INPP4B: variants seen among roughly 807,000 people sequenced by gnomAD.
INPP4B encodes inositol polyphosphate-4-phosphatase type II B.
In INPP4B, 55 loss-of-function variants were observed where a neutral mutation model predicts 122.5. The ratio of observed to expected loss-of-function variants is 0.45; its 90% CI spans 0.36 to 0.56. The LOEUF (loss-of-function observed/expected upper bound fraction) is 0.56, where lower values mean the gene tolerates loss of function less well. INPP4B is among the 20% of genes least tolerant of loss of function. The probability of loss-of-function intolerance (pLI) is 0.00; values close to 1 mark genes in which losing one functional copy is unlikely to be tolerated. For synonymous variants in INPP4B, 403 were observed against 388.7 expected (o/e 1.04, Z -0.43); for missense variants, 1,000 against 1,097.7 (o/e 0.91, Z 1.26).
At chr4:142,087,985 T>A (rs1026306005) in intron 23 of INPP4B, among the ~76,000 whole-genome samples, 2 of 152,182 alleles carry the variant, frequency 1.3e-5, no homozygotes, top group Non-Finnish European at 2.9e-5. Flanking sequence ...ATATAAAATA[T>A]ATGCATGATT....
intron 2 of INPP4B, among the ~76,000 whole-genome samples, chr4:142,491,069 T>C (rs1221336089): frequency 1.3e-5 from 2 of 152,184 alleles, no homozygotes; most frequent in Non-Finnish European, 2.9e-5. Flanking sequence ...TCAAACACTT[T>C]AGATATATAC....
chr4:142,658,404 AC>A lies in INPP4B; in HGVS notation c.-191+67434del, dbSNP rs554274364. 1.3e-3 allele frequency among the ~76,000 whole-genome samples: 205 copies of A among 152,288 alleles called. 1 individual carries two copies. The highest frequency in any genetic ancestry group is 4.8e-3 in the African/African-American group (199 of 41,570). On this transcript the variant is annotated intron_variant, in intron 2 of 25. Transcript: ENST00000262992. The stretch of plus-strand genomic sequence containing the variant: ...GGACTAAACTCAGAAAACTAAAGCA[AC>A]CTTTTTGACTTTTGGTTTAAATATT...
intron 2 of INPP4B, among the ~76,000 whole-genome samples, chr4:142,541,925 C>T (rs1322269456): frequency 2.0e-5 from 3 of 152,138 alleles, no homozygotes; most frequent in African/African-American, 7.2e-5. Context: ...CCACTACCCA[C>T]CACCCACTAG....
intron 3 of INPP4B, among the ~76,000 whole-genome samples, chr4:142,458,056 A>C (rs1815867807): frequency 6.6e-6 from 1 of 152,188 alleles, no homozygotes; most frequent in Non-Finnish European, 1.5e-5. Context: ...AATCCAAAAC[A>C]ATCCTAAAGA....
chr4:142,755,279 C>A (rs1770347103), intron 1 of INPP4B, among the ~76,000 whole-genome samples: 1 of 151,978 alleles, frequency 6.6e-6, no homozygotes. Flanking sequence ...ATGTCTATAT[C>A]ATTATCTGTT....
chr4:142,042,202 C>A (rs890346527), intron 25 of INPP4B, among the ~76,000 whole-genome samples: 1 of 152,106 alleles, frequency 6.6e-6, no homozygotes, highest in African/African-American at 2.4e-5. Context: ...CTAATATATC[C>A]ATTTAGACAC....
At chr4:142,076,989 T>A (rs1309053563) in intron 25 of INPP4B, among the ~76,000 whole-genome samples, 1 of 152,006 alleles carries the variant, frequency 6.6e-6, no homozygotes, top group African/African-American at 2.4e-5. Context: ...AGGGAGGAAG[T>A]CATGCAAATA....
intron 2 of INPP4B, among the ~76,000 whole-genome samples, chr4:142,692,343 T>G (rs989668047): frequency 2.6e-5 from 4 of 152,216 alleles, no homozygotes; most frequent in African/African-American, 9.6e-5. Context: ...CAATGTTTAA[T>G]AATTTTCCAC....
rs368022770 is a variant in INPP4B at position 142,258,967 on chromosome 4, G to A, written c.688+1525C>T. ...TTGGAACCAACCCAAATGTCCAACA[G>A]TGATAGACTGGATTAAGAAAATGTG... On this transcript the variant is annotated intron_variant, in intron 11 of 25. Transcript: ENST00000262992. Among the ~76,000 whole-genome samples, 701 of 152,052 alleles carry A rather than the reference G, an allele frequency of 4.6e-3. 5 individuals carry two copies. Among genetic ancestry groups the A allele is most frequent in the African/African-American group, 0.016 (661 of 41,470 alleles).
Position 142,663,584 on chromosome 4 carries a change from T to C in INPP4B, c.-191+62255A>G, listed in dbSNP as rs192227557. On this transcript the variant is annotated intron_variant, in intron 2 of 25. Coordinates refer to ENST00000262992, the MANE Select transcript of INPP4B (RefSeq NM_001101669.3). ...AAGAATGGACAGGTTTTCTTCAATA[T>C]AAGGAGCAGGTCTTTTTAAAAGGTC... Among the ~76,000 whole-genome samples the C allele has an allele frequency of 2.0e-3, 310 of 152,228 alleles. 1 individual carries two copies. Among genetic ancestry groups the C allele is most frequent in the African/African-American group, 7.0e-3 (291 of 41,582 alleles).
chr4:142,419,430 T>C (rs1005164892), intron 5 of INPP4B, among the ~76,000 whole-genome samples: 2 of 152,126 alleles, frequency 1.3e-5, no homozygotes, highest in Non-Finnish European at 2.9e-5. Flanking sequence ...GGAATACCCG[T>C]ATGCTCAAAC....
At chr4:142,635,349 C>T (rs1580572361) in intron 2 of INPP4B, among the ~76,000 whole-genome samples, 1 of 152,136 alleles carries the variant, frequency 6.6e-6, no homozygotes, top group Non-Finnish European at 1.5e-5. Flanking sequence ...CCAGCAATCC[C>T]ATTACTGGGT....
intron 9 of INPP4B, among the ~76,000 whole-genome samples, chr4:142,298,377 T>C (rs1288138327): frequency 6.6e-6 from 1 of 152,054 alleles, no homozygotes; most frequent in Non-Finnish European, 1.5e-5. Flanking sequence ...GTTTGAAGTC[T>C]TCTCTGGTCT....
intron 14 of INPP4B, among the ~76,000 whole-genome samples, chr4:142,195,907 C>G (rs939756159): frequency 6.6e-6 from 1 of 152,058 alleles, no homozygotes; most frequent in Non-Finnish European, 1.5e-5. Flanking sequence ...TTCAGCTTTA[C>G]GGTGAATCTG....
Position 142,645,477 on chromosome 4 carries a change from C to G in INPP4B, c.-191+80362G>C, listed in dbSNP as rs554428023. ...TCCTAATAAGTCTATATTTCTCACT[C>G]TTCCTTGCAGTTATGTGTGGCCATG... On this transcript the variant is annotated intron_variant, in intron 2 of 25. Coordinates refer to ENST00000262992, the MANE Select transcript of INPP4B (RefSeq NM_001101669.3). 8.3e-4 allele frequency among the ~76,000 whole-genome samples: 126 copies of G among 152,298 alleles called. 1 individual carries two copies. The highest frequency in any genetic ancestry group is 2.9e-3 in the African/African-American group (120 of 41,578).
chr4:142,606,503 C>T (rs1741297830), intron 2 of INPP4B, among the ~76,000 whole-genome samples: 1 of 151,860 alleles, frequency 6.6e-6, no homozygotes. Flanking sequence ...CATATAAAAA[C>T]ACTCACATGT....
At chr4:142,388,845 C>A (rs1796774107) in intron 7 of INPP4B, among the ~76,000 whole-genome samples, 1 of 152,128 alleles carries the variant, frequency 6.6e-6, no homozygotes, top group Admixed American at 6.6e-5. Flanking sequence ...ATGAGGCCCT[C>A]AATTTTGCAG....
At chr4:142,269,543 T>A (rs1299716391) in intron 10 of INPP4B, among the ~76,000 whole-genome samples, 3 of 152,092 alleles carry the variant, frequency 2.0e-5, no homozygotes, top group African/African-American at 7.2e-5. Context: ...GGCAGAATGA[T>A]GGTTACCAGA....
At chr4:142,042,897 G>A (rs1310631334) in intron 25 of INPP4B, among the ~76,000 whole-genome samples, 5 of 152,122 alleles carry the variant, frequency 3.3e-5, no homozygotes, top group African/African-American at 1.2e-4. Context: ...ACTTTTCCCA[G>A]TGATAGAATC....
Sources: allele counts gnomAD v4.1 joint callset (sites outside exome capture counted in the v4.1 genomes callset), GRCh38; gene constraint gnomAD v4.1.1; transcripts MANE v1.5; gene names NCBI Gene and HGNC (gene_info 2026-07-23, HGNC 2026-07-21).